Variants in REDIC1 observed in about 807,000 individuals in gnomAD.
REDIC1 encodes the protein regulator of DNA class I crossover intermediates 1.
At chr12:39,872,036 G>A in the REDIC1 span, 1 of 1,300,582 alleles carries the variant, frequency 7.7e-7, no homozygotes, top group Admixed American at 3.0e-5. Context: ...AGAAAAAGAT[G>A]TATTCAATTT....
the REDIC1 span, among the ~76,000 whole-genome samples, chr12:39,863,108 T>A: frequency 6.6e-6 from 1 of 152,154 alleles, no homozygotes; most frequent in Non-Finnish European, 1.5e-5. Flanking sequence ...AAAATTTGGT[T>A]CTATCTTCAC....
chr12:39,663,225 T>C, the REDIC1 span, among the ~76,000 whole-genome samples: 1 of 152,132 alleles, frequency 6.6e-6, no homozygotes, highest in Non-Finnish European at 1.5e-5. Context: ...CTCCAACTCT[T>C]ATTGTATTGG....
chr12:39,754,599 C>A, the REDIC1 span, among the ~76,000 whole-genome samples: 1 of 152,020 alleles, frequency 6.6e-6, no homozygotes, highest in Non-Finnish European at 1.5e-5. Context: ...ATGATTGAGG[C>A]AGAATGGCAA....
the REDIC1 span, among the ~76,000 whole-genome samples, chr12:39,815,068 T>G: frequency 2.6e-5 from 4 of 151,676 alleles, no homozygotes; most frequent in Non-Finnish European, 5.9e-5. Context: ...ATCAGCAAAC[T>G]AAGGATTAGA....
chr12:39,682,343 A>G, the REDIC1 span, among the ~76,000 whole-genome samples: 3 of 152,152 alleles, frequency 2.0e-5, no homozygotes, highest in African/African-American at 2.4e-5. Context: ...TAGGTTGGTC[A>G]TGTTTTAATT....
chr12:39,721,388 T>G, the REDIC1 span: 4 of 694,612 alleles, frequency 5.8e-6, no homozygotes, highest in African/African-American at 7.3e-5. Context: ...AGGGTGTATA[T>G]TCACGGTTCA....
chr12:39,662,520 CTT>C, the REDIC1 span, among the ~76,000 whole-genome samples: 5 of 150,814 alleles, frequency 3.3e-5, no homozygotes, highest in Admixed American at 1.3e-4. Flanking sequence ...AATCTAAGAG[CTT>C]TTTTTTTTGG....
At chr12:39,691,830 G>C in the REDIC1 span, among the ~76,000 whole-genome samples, 280 of 152,128 alleles carry the variant, frequency 1.8e-3, no homozygotes, top group African/African-American at 6.0e-3. Flanking sequence ...TTCTTGGCAA[G>C]TGTCTATTCT....
chr12:39,751,252 C>T, the REDIC1 span, among the ~76,000 whole-genome samples: 1 of 152,168 alleles, frequency 6.6e-6, no homozygotes, highest in African/African-American at 2.4e-5. Context: ...TATGAACAGA[C>T]ACTTCTCAAA....
the REDIC1 span, among the ~76,000 whole-genome samples, chr12:39,895,625 C>CACACATATGTATATGCGTGTATACGTAA: frequency 0.061 from 316 of 5,168 alleles, 89 homozygotes; most frequent in African/African-American, 0.095. Flanking sequence ...TATATACGTA[C>CACACATATGTATATGCGTGTATACGTAA]ACACATATGT....
At chr12:39,840,510 G>A in the REDIC1 span, among the ~76,000 whole-genome samples, 11 of 151,962 alleles carry the variant, frequency 7.2e-5, no homozygotes, top group African/African-American at 1.7e-4. Context: ...CATAGGTGCC[G>A]TGGGTGCTAG....
the REDIC1 span, among the ~76,000 whole-genome samples, chr12:39,696,422 A>G: frequency 1.3e-5 from 2 of 149,514 alleles, no homozygotes; most frequent in African/African-American, 2.4e-5. Flanking sequence ...GGGCGCCTGT[A>G]GTCCCAGCTA....
the REDIC1 span, among the ~76,000 whole-genome samples, chr12:39,822,184 C>T: frequency 6.7e-6 from 1 of 149,940 alleles, no homozygotes; most frequent in Non-Finnish European, 1.5e-5. Flanking sequence ...GTTTTTTCTT[C>T]TTGCGATAGT....
chr12:39,713,277 CACAT>C, the REDIC1 span, among the ~76,000 whole-genome samples: 1,941 of 16,476 alleles, frequency 0.12, 94 homozygotes, highest in Non-Finnish European at 0.22. Context: ...TGTGTACACA[CACAT>C]ACGTGTATAT....
At chr12:39,712,368 A>G in the REDIC1 span, among the ~76,000 whole-genome samples, 3 of 137,162 alleles carry the variant, frequency 2.2e-5, no homozygotes, top group Admixed American at 7.3e-5. Flanking sequence ...ATACATACAT[A>G]TGTATATATA....
At chr12:39,704,930 G>A in the REDIC1 span, among the ~76,000 whole-genome samples, 3 of 152,106 alleles carry the variant, frequency 2.0e-5, no homozygotes, top group African/African-American at 7.2e-5. Flanking sequence ...TGTGGCGTGG[G>A]GGGAGGGAGG....
the REDIC1 span, among the ~76,000 whole-genome samples, chr12:39,896,522 A>C: frequency 7.3e-6 from 1 of 136,762 alleles, no homozygotes; most frequent in Admixed American, 8.6e-5. Context: ...GTGTGTATAC[A>C]TGTATACATG....
At chr12:39,781,634 C>T in the REDIC1 span, among the ~76,000 whole-genome samples, 1 of 152,310 alleles carries the variant, frequency 6.6e-6, no homozygotes, top group African/African-American at 2.4e-5. Flanking sequence ...ATCCCTTATT[C>T]TTGCTATGAA....
At chr12:39,772,943 C>T in the REDIC1 span, among the ~76,000 whole-genome samples, 219 of 152,254 alleles carry the variant, frequency 1.4e-3, 1 homozygote, top group Middle Eastern at 6.8e-3. Context: ...CTCAGCAATA[C>T]GTAGATAGCT....
Sources: allele counts gnomAD v4.1 joint callset (sites outside exome capture counted in the v4.1 genomes callset), GRCh38; gene constraint gnomAD v4.1.1; transcripts MANE v1.5; gene names NCBI Gene and HGNC (gene_info 2026-07-23, HGNC 2026-07-21).